Variants in MACROD2 observed in about 807,000 individuals in gnomAD.
The protein encoded by MACROD2 is mono-ADP ribosylhydrolase 2.
MACROD2 carries 36 observed loss-of-function variants against 70.4 expected under a neutral mutation model. That is an observed-to-expected ratio of 0.51 (90% CI 0.39 to 0.68). The LOEUF (loss-of-function observed/expected upper bound fraction) is 0.68. Ranked by LOEUF, MACROD2 falls within the 30% of genes least tolerant of loss-of-function variation. The pLI, the probability that MACROD2 is intolerant of heterozygous loss-of-function variation, is 0.00. For missense variants in MACROD2, 496 were observed against 538.4 expected, an observed-to-expected ratio of 0.92 and a Z score of 0.78; for synonymous variants, 172 against 178.8, an observed-to-expected ratio of 0.96 and a Z score of 0.30.
intron 5 of MACROD2, among the ~76,000 whole-genome samples, chr20:14,745,128 G>A (rs1025614100): frequency 6.6e-6 from 1 of 152,070 alleles, no homozygotes; most frequent in Non-Finnish European, 1.5e-5. Flanking sequence ...CTAGAAATTG[G>A]ACTAGGGACT....
intron 12 of MACROD2, among the ~76,000 whole-genome samples, chr20:15,949,075 A>G (rs2065869224): frequency 2.0e-5 from 3 of 152,184 alleles, no homozygotes; most frequent in South Asian, 4.1e-4. Flanking sequence ...TGAAGTCTTT[A>G]TGAGTCTCAA....
chr20:15,328,329 C>T (rs1347389761), intron 6 of MACROD2, among the ~76,000 whole-genome samples: 3 of 152,038 alleles, frequency 2.0e-5, no homozygotes, highest in Non-Finnish European at 2.9e-5. Context: ...GGTGCAATAC[C>T]ACATCTGATC....
intron 5 of MACROD2, among the ~76,000 whole-genome samples, chr20:14,799,794 G>A (rs1018185449): frequency 6.6e-6 from 1 of 151,912 alleles, no homozygotes; most frequent in Non-Finnish European, 1.5e-5. Flanking sequence ...CTCACTTGGG[G>A]CCCTGTTTGT....
intron 4 of MACROD2, among the ~76,000 whole-genome samples, chr20:14,563,690 CT>C (rs745822050): frequency 6.6e-6 from 1 of 151,764 alleles, no homozygotes; most frequent in East Asian, 1.9e-4. Context: ...CTATTTGGTT[CT>C]TTTTTTATAA....
At chr20:14,260,979 A>G (rs1186812801) in intron 3 of MACROD2, among the ~76,000 whole-genome samples, 1 of 151,898 alleles carries the variant, frequency 6.6e-6, no homozygotes, top group African/African-American at 2.4e-5. Flanking sequence ...TACTTGGGAC[A>G]GGATTTAGGG....
chr20:15,858,218 G>C (rs1171854377), intron 8 of MACROD2, among the ~76,000 whole-genome samples: 2 of 151,878 alleles, frequency 1.3e-5, no homozygotes, highest in African/African-American at 4.8e-5. Context: ...TATATCTGAT[G>C]AATAAATGAA....
rs182501892 is a variant in MACROD2 at position 15,693,495 on chromosome 20, C to T, written c.646-169250C>T. On this transcript the variant is annotated intron_variant, in intron 8 of 17. Coordinates refer to ENST00000684519, the MANE Select transcript of MACROD2 (RefSeq NM_001351661.2). ...ATAGAGATTTCCATTCCTCTACTTTCCCAGCTCACTCTCTTCTCACATTTA... is the reference window on the plus strand; with the variant it reads ...ATAGAGATTTCCATTCCTCTACTTTTCCAGCTCACTCTCTTCTCACATTTA... Among the ~76,000 whole-genome samples the T allele has an allele frequency of 3.2e-3, 491 of 152,256 alleles. 1 individual carries two copies. Among genetic ancestry groups the T allele is most frequent in the African/African-American group, 0.011 (464 of 41,536 alleles).
chr20:14,891,539 T>C (rs2073760289), intron 5 of MACROD2, among the ~76,000 whole-genome samples: 1 of 152,180 alleles, frequency 6.6e-6, no homozygotes, highest in African/African-American at 2.4e-5. Flanking sequence ...TGCCCAGCCA[T>C]GTCTTGTACA....
At chr20:14,019,355 T>C (rs920011922) in intron 2 of MACROD2, among the ~76,000 whole-genome samples, 2 of 152,178 alleles carry the variant, frequency 1.3e-5, no homozygotes, top group Non-Finnish European at 2.9e-5. Context: ...TACTGCAACC[T>C]CTGCCTCCTG....
At chr20:14,600,780 G>T (rs560648823) in intron 4 of MACROD2, among the ~76,000 whole-genome samples, 1 of 152,272 alleles carries the variant, frequency 6.6e-6, no homozygotes, top group South Asian at 2.1e-4. Context: ...CATTGCATTT[G>T]TATTAGTGTG....
chr20:14,929,410 A>G (rs1187901861), intron 5 of MACROD2: 2 of 152,222 alleles, frequency 1.3e-5, no homozygotes, highest in Non-Finnish European at 2.9e-5. Flanking sequence ...CAACTCAGAA[A>G]CAGCCAAATG....
chr20:14,427,834 T>C (rs2083950654), intron 3 of MACROD2, among the ~76,000 whole-genome samples: 1 of 152,154 alleles, frequency 6.6e-6, no homozygotes, highest in African/African-American at 2.4e-5. Context: ...AGTCTCAGTT[T>C]TAGAGTAATG....
At chr20:14,922,696 T>G (rs2074178463) in intron 5 of MACROD2, among the ~76,000 whole-genome samples, 1 of 152,188 alleles carries the variant, frequency 6.6e-6, no homozygotes, top group South Asian at 2.1e-4. Context: ...AACTGATTTT[T>G]ATCAATGTGG....
intron 8 of MACROD2, among the ~76,000 whole-genome samples, chr20:15,779,738 C>A (rs1186859201): frequency 6.6e-6 from 1 of 152,140 alleles, no homozygotes; most frequent in Non-Finnish European, 1.5e-5. Flanking sequence ...TAAAGACTTA[C>A]CTTTCTGCCA....
chr20:15,906,709 C>T (rs1232835811), intron 10 of MACROD2, among the ~76,000 whole-genome samples: 2 of 152,162 alleles, frequency 1.3e-5, no homozygotes, highest in African/African-American at 4.8e-5. Flanking sequence ...CTGCCCTTGA[C>T]ACTTTTGAAG....
At position 16,049,921 on chromosome 20, in the gene MACROD2, G is replaced by A. The variant is rs760050023; in HGVS notation, c.*45G>A. ...GCCTCTCCTGGCTCTGGGGGAGCTC[G>A]GGAAGATAGCAGCACACGCTGTGGA... is the stretch of plus-strand genomic sequence containing the variant. On this transcript the variant is annotated 3_prime_UTR_variant, in exon 18 of 18. Coordinates refer to ENST00000684519, the MANE Select transcript of MACROD2 (RefSeq NM_001351661.2). 74 of 1,302,700 alleles carry A rather than the reference G, an allele frequency of 5.7e-5. No homozygotes were observed. The highest frequency in any genetic ancestry group is 2.0e-4 in the Middle Eastern group (1 of 4,956). 80.7% of individuals were successfully genotyped at this position (1,302,700 alleles called of 1,614,324 possible).
intron 6 of MACROD2, among the ~76,000 whole-genome samples, chr20:15,395,524 C>T (rs188752052): frequency 8.0e-4 from 122 of 152,236 alleles, no homozygotes; most frequent in Middle Eastern, 3.4e-3. Context: ...CTTTGAAGAC[C>T]GTGCAGTCTC....
In MACROD2 at chr20:14,544,089, A is replaced by G. The variant is rs143272598; in HGVS notation, c.301+50581A>G. On this transcript the variant is annotated intron_variant, in intron 4 of 17. Transcript: ENST00000684519. ...AAAAGGCTAATGTGGCAAAAAGCAGACACTGACAAACATTAAGTGGAGGAA... is the reference window on the plus strand; with the variant it reads ...AAAAGGCTAATGTGGCAAAAAGCAGGCACTGACAAACATTAAGTGGAGGAA... Among the ~76,000 whole-genome samples the G allele has an allele frequency of 9.9e-3, 1,508 of 152,302 alleles. 33 individuals carry two copies. The highest frequency in any genetic ancestry group is 0.035 in the African/African-American group (1,439 of 41,558).
intron 15 of MACROD2, among the ~76,000 whole-genome samples, chr20:16,003,078 C>CACA (rs2066734238): frequency 2.2e-4 from 29 of 129,914 alleles, no homozygotes; most frequent in Admixed American, 8.4e-4. Flanking sequence ...ACCCACCCAC[C>CACA]CACCCACACA....
Sources: gnomAD v4.1 joint callset for allele counts (sites outside exome capture counted in the v4.1 genomes callset) on GRCh38, gnomAD v4.1.1 for gene constraint, MANE v1.5 for transcripts, NCBI Gene and HGNC (gene_info 2026-07-23, HGNC 2026-07-21) for gene names.